The following EVA1C variants were observed in gnomAD, a reference collection of about 807,000 sequenced individuals.
EVA1C encodes the protein eva-1 homolog C, also known as protein eva-1 homolog C.
A neutral mutation model predicts 45.4 loss-of-function variants in EVA1C; 25 were observed. The observed-to-expected ratio is 0.55, with a 90% confidence interval of 0.40 to 0.77. The LOEUF (loss-of-function observed/expected upper bound fraction) is 0.77, where lower values mean the gene tolerates loss of function less well. EVA1C is among the 30% of genes least tolerant of loss of function. EVA1C has a pLI of 0.00. For synonymous variants in EVA1C, 190 were observed against 221.2 expected (o/e 0.86, Z 1.25); for missense variants, 479 against 554.8 (o/e 0.86, Z 1.37).
intron 1 of EVA1C, among the ~76,000 whole-genome samples, chr21:32,432,929 A>G (rs2034770063): frequency 6.6e-6 from 1 of 152,002 alleles, no homozygotes; most frequent in Non-Finnish European, 1.5e-5. Context: ...ACGAGGTCTC[A>G]CTTTGTTGCC....
At chr21:32,506,441 T>G (rs1413799423) in intron 7 of EVA1C, among the ~76,000 whole-genome samples, 1 of 151,860 alleles carries the variant, frequency 6.6e-6, no homozygotes, top group Non-Finnish European at 1.5e-5. Context: ...TGAGGGGTGT[T>G]TGGTGACATT....
chr21:32,441,992 G>A (rs780208858), intron 1 of EVA1C, among the ~76,000 whole-genome samples: 1 of 152,108 alleles, frequency 6.6e-6, no homozygotes, highest in Non-Finnish European at 1.5e-5. Context: ...GGGTCTCAAG[G>A]GCCAGACCTT....
upstream of EVA1C, chr21:32,412,130 T>C (rs1214869147): frequency 2.0e-5 from 3 of 152,268 alleles, no homozygotes; most frequent in African/African-American, 7.2e-5. Context: ...GTCGCCGTCC[T>C]GGCTGCGAGA....
At position 32,452,424 on chromosome 21, in the gene EVA1C, G is replaced by T. The variant is rs1428489383; in HGVS notation, c.161-888G>T. Reference sequence around the variant, plus strand: ...CCTAGAGGGGGCATGCAGATGGACAGGTCGTGGGGAGCGTTTTTGGGCTCC... The same window carrying T: ...CCTAGAGGGGGCATGCAGATGGACATGTCGTGGGGAGCGTTTTTGGGCTCC... On this transcript the variant is annotated intron_variant, in intron 1 of 7. Coordinates refer to ENST00000300255, the MANE Select transcript of EVA1C (RefSeq NM_058187.5). The surrounding 1 kb of genome is among the most constrained non-coding windows in gnomAD (Gnocchi z 4.0). 4.6e-5 allele frequency: 7 copies of T among 152,276 alleles called. No individual in the cohort carries two copies. Among genetic ancestry groups the T allele is most frequent in the Non-Finnish European group, 1.5e-5 (1 of 68,074 alleles). 9.4% of individuals were successfully genotyped at this position (152,276 alleles called of 1,614,324 possible). A position where few individuals can be genotyped will look rare whatever the true frequency, so the allele number is the denominator to read the frequency against.
chr21:32,442,951 G>T (rs1434785966), intron 1 of EVA1C, among the ~76,000 whole-genome samples: 1 of 141,862 alleles, frequency 7.0e-6, no homozygotes, highest in Non-Finnish European at 1.5e-5. Flanking sequence ...AACTTTTTAG[G>T]TCTTAATTAT....
chr21:32,498,986 G>A (rs2037442930), intron 5 of EVA1C, among the ~76,000 whole-genome samples: 1 of 152,182 alleles, frequency 6.6e-6, no homozygotes, highest in South Asian at 2.1e-4. Context: ...CCAGATATCA[G>A]AGCCATTTTC....
intron 4 of EVA1C, among the ~76,000 whole-genome samples, chr21:32,471,564 G>A (rs978375539): frequency 2.6e-5 from 4 of 151,760 alleles, no homozygotes; most frequent in Admixed American, 6.6e-5. Context: ...GACCTCAGGT[G>A]ATCCACCCAC....
chr21:32,439,224 A>G (rs569621378), intron 1 of EVA1C, among the ~76,000 whole-genome samples: 1 of 115,924 alleles, frequency 8.6e-6, no homozygotes, highest in Non-Finnish European at 1.7e-5. Flanking sequence ...TGGGCAACAG[A>G]GCAAGACTAC....
intron 2 of EVA1C, among the ~76,000 whole-genome samples, 156 bp downstream of exon 2, chr21:32,453,664 G>A (rs1488861097): frequency 1.3e-5 from 2 of 152,182 alleles, no homozygotes; most frequent in Non-Finnish European, 2.9e-5. Flanking sequence ...TTTTGTAGGT[G>A]AGCTATTATT....
chr21:32,483,749 A>G (rs1241522799), intron 4 of EVA1C, among the ~76,000 whole-genome samples: 1 of 152,206 alleles, frequency 6.6e-6, no homozygotes, highest in African/African-American at 2.4e-5. Context: ...CAGACCATGA[A>G]TTCATTCATT....
At chr21:32,462,599 A>G (rs2036038973) in intron 3 of EVA1C, among the ~76,000 whole-genome samples, 1 of 152,230 alleles carries the variant, frequency 6.6e-6, no homozygotes, top group Admixed American at 6.5e-5. Flanking sequence ...CTGGCCATAA[A>G]GAAAATCTCT....
chr21:32,413,061 C>T, intron 1 of EVA1C, 48 bp downstream of exon 1: 1 of 1,316,756 alleles, frequency 7.6e-7, no homozygotes, highest in Non-Finnish European at 9.8e-7. Context: ...GCGGAGCGCC[C>T]AGGTGAACCC....
intron 1 of EVA1C, among the ~76,000 whole-genome samples, chr21:32,437,389 G>A (rs1238133634): frequency 6.6e-6 from 1 of 152,052 alleles, no homozygotes; most frequent in Non-Finnish European, 1.5e-5. Context: ...CCGGAGGACT[G>A]CCTGTACCCT....
intron 1 of EVA1C, among the ~76,000 whole-genome samples, chr21:32,443,604 A>G (rs2035260205): frequency 6.6e-6 from 1 of 152,182 alleles, no homozygotes; most frequent in African/African-American, 2.4e-5. Flanking sequence ...GCAGTGGTTT[A>G]TGGTAAAGAA....
chr21:32,459,626 C>G (rs906322023), intron 3 of EVA1C, among the ~76,000 whole-genome samples: 45 of 152,020 alleles, frequency 3.0e-4, no homozygotes, highest in African/African-American at 1.1e-3. Context: ...TAGATCACCT[C>G]AGGTCGGGTG....
At chr21:32,506,868 G>T (rs555411971) in intron 7 of EVA1C, among the ~76,000 whole-genome samples, 6,819 of 152,296 alleles carry the variant, frequency 0.045, 174 homozygotes, top group Middle Eastern at 0.14. Flanking sequence ...CTGTGGGGAT[G>T]TGACCCACGG....
chr21:32,413,262 G>A (rs773554555), intron 1 of EVA1C, among the ~76,000 whole-genome samples: 28 of 152,242 alleles, frequency 1.8e-4, no homozygotes, highest in Non-Finnish European at 3.5e-4. Context: ...TGTTGACCTC[G>A]TCAATTTCCT....
intron 3 of EVA1C, among the ~76,000 whole-genome samples, chr21:32,459,516 C>T (rs1051624341): frequency 6.6e-6 from 1 of 152,198 alleles, no homozygotes; most frequent in South Asian, 2.1e-4. Context: ...CTCCACTTCC[C>T]TCCTTCCATG....
At chr21:32,447,991 C>A (rs111479398) in intron 1 of EVA1C, among the ~76,000 whole-genome samples, 20,582 of 152,210 alleles carry the variant, frequency 0.14, 1,477 homozygotes, top group Middle Eastern at 0.27. Flanking sequence ...AAGCGTGAGC[C>A]ACCGCGCCTG....
Sources: allele counts gnomAD v4.1 joint callset (sites outside exome capture counted in the v4.1 genomes callset), GRCh38; gene constraint gnomAD v4.1.1; non-coding constraint Gnocchi (gnomAD v3.1); transcripts MANE v1.5; gene names NCBI Gene and HGNC (gene_info 2026-07-23, HGNC 2026-07-21).